Variants in SRRM4 observed in about 807,000 individuals in gnomAD.
SRRM4 encodes serine/arginine repetitive matrix 4.
SRRM4 carries 33 observed loss-of-function variants against 68.9 expected under a neutral mutation model. That is an observed-to-expected ratio of 0.48 (90% CI 0.36 to 0.64). The LOEUF is 0.64. SRRM4 is among the 30% of genes least tolerant of loss of function. The pLI is 0.00. For missense variants in SRRM4, 817 were observed against 827.1 expected, an observed-to-expected ratio of 0.99 and a Z score of 0.15; for synonymous variants, 318 against 318.8, an observed-to-expected ratio of 1.00 and a Z score of 0.03.
intron 1 of SRRM4, among the ~76,000 whole-genome samples, chr12:119,004,756 G>T (rs754868815): frequency 1.3e-5 from 2 of 151,986 alleles, no homozygotes; most frequent in Admixed American, 1.3e-4. Context: ...CAAGCACTGA[G>T]AAGGCACTTT....
At chr12:119,046,919 C>T (rs902993259) in intron 1 of SRRM4, among the ~76,000 whole-genome samples, 1 of 151,690 alleles carries the variant, frequency 6.6e-6, no homozygotes, top group African/African-American at 2.4e-5. Flanking sequence ...GTAGTCCCAG[C>T]TACTCCAGAG....
At chr12:119,081,404 A>G (rs1340154893) in intron 1 of SRRM4, among the ~76,000 whole-genome samples, 4 of 152,162 alleles carry the variant, frequency 2.6e-5, no homozygotes, top group Non-Finnish European at 5.9e-5. Flanking sequence ...TGTTCTAGGC[A>G]GTGGGAACAG....
intron 1 of SRRM4, among the ~76,000 whole-genome samples, chr12:119,077,068 A>C (rs1220066090): frequency 7.4e-6 from 1 of 134,478 alleles, no homozygotes; most frequent in Non-Finnish European, 1.7e-5. Flanking sequence ...CCTGAGACCG[A>C]GGGAGAGTTT....
chr12:119,087,536 G>C (rs537157514), intron 1 of SRRM4, among the ~76,000 whole-genome samples: 1 of 152,138 alleles, frequency 6.6e-6, no homozygotes, highest in Admixed American at 6.5e-5. Flanking sequence ...AATTAGTGAG[G>C]TTTCATGGTC....
At chr12:119,094,650 TC>T (rs1216737946) in intron 1 of SRRM4, among the ~76,000 whole-genome samples, 1 of 152,200 alleles carries the variant, frequency 6.6e-6, no homozygotes, top group Non-Finnish European at 1.5e-5. Flanking sequence ...CAATTTCTAT[TC>T]ATCTGCTAGA....
chr12:119,151,786 T>G (rs1954441286), intron 10 of SRRM4, among the ~76,000 whole-genome samples: 1 of 152,190 alleles, frequency 6.6e-6, no homozygotes, highest in Admixed American at 6.5e-5. Context: ...CAGGCCTGTC[T>G]TGGTTTGTTC....
chr12:119,098,279 T>A (rs1954057183), intron 1 of SRRM4, among the ~76,000 whole-genome samples: 1 of 152,298 alleles, frequency 6.6e-6, no homozygotes, highest in African/African-American at 2.4e-5. Flanking sequence ...ATCAATAAGC[T>A]CACTGATCTT....
intron 1 of SRRM4, among the ~76,000 whole-genome samples, chr12:119,091,213 T>C (rs1208423421): frequency 6.6e-6 from 1 of 152,176 alleles, no homozygotes; most frequent in Non-Finnish European, 1.5e-5. Flanking sequence ...ATCCTGTGAG[T>C]GACCCTGCAG....
intron 12 of SRRM4, among the ~76,000 whole-genome samples, chr12:119,156,237 T>C (rs967343878): frequency 1.3e-5 from 2 of 152,204 alleles, no homozygotes; most frequent in African/African-American, 4.8e-5. Flanking sequence ...TGTTGCAAGC[T>C]GAAGGCTCTG....
In SRRM4 at chr12:119,130,748, C is replaced by T. The variant is rs1290715031; in HGVS notation, c.685C>T (p.Leu229Phe). ...GCACTCCCGCCGCTGCTCCAAGACC[C>T]TCTGCAAGGACAGCCCTGAGGCCCA... ...RRHSRRCSKTLCKDSPEAQSS... is the reference protein window; with the variant it reads ...RRHSRRCSKTFCKDSPEAQSS... Residue 229 changes from leucine to phenylalanine, a missense_variant, in exon 8 of 13, where the codon CTC becomes TTC. By Grantham distance (22) the Leu-to-Phe change is conservative. Coordinates refer to ENST00000267260, the MANE Select transcript of SRRM4 (RefSeq NM_194286.4). 12 of 1,611,388 alleles carry T rather than the reference C, an allele frequency of 7.4e-6. No individual in the cohort carries two copies. The highest frequency in any genetic ancestry group is 8.5e-6 in the Non-Finnish European group (10 of 1,179,864).
At chr12:119,082,117 T>A (rs1203159682) in intron 1 of SRRM4, among the ~76,000 whole-genome samples, 2 of 152,096 alleles carry the variant, frequency 1.3e-5, no homozygotes, top group African/African-American at 4.8e-5. Context: ...CTTGGACTTG[T>A]GGGTCCCAGG....
At chr12:118,983,468 G>T (rs757620911) in intron 1 of SRRM4, among the ~76,000 whole-genome samples, 2 of 152,226 alleles carry the variant, frequency 1.3e-5, no homozygotes, top group Non-Finnish European at 2.9e-5. Flanking sequence ...TCCGAAGGAG[G>T]TTCTGTGTAT....
At chr12:119,054,172 G>A (rs1018239237) in intron 1 of SRRM4, among the ~76,000 whole-genome samples, 5 of 152,084 alleles carry the variant, frequency 3.3e-5, no homozygotes, top group African/African-American at 7.2e-5. Context: ...TTCACTTAAC[G>A]TAATGATCTC....
intron 1 of SRRM4, among the ~76,000 whole-genome samples, chr12:119,047,039 A>AG (rs1953712199): frequency 6.6e-6 from 1 of 151,426 alleles, no homozygotes; most frequent in East Asian, 1.9e-4. Flanking sequence ...CTAAAAAAAA[A>AG]AAAAAAAAAA....
chr12:119,002,381 G>A (rs1238004329), intron 1 of SRRM4, among the ~76,000 whole-genome samples: 1 of 152,060 alleles, frequency 6.6e-6, no homozygotes, highest in Non-Finnish European at 1.5e-5. Context: ...CATAGTGCTA[G>A]GCACTTGGTA....
intron 1 of SRRM4, among the ~76,000 whole-genome samples, chr12:119,019,947 GC>G: frequency 2.6e-5 from 1 of 37,876 alleles, no homozygotes; most frequent in Non-Finnish European, 5.9e-5. Context: ...AGTTCCCCCC[GC>G]TCCCCCCCCC....
intron 2 of SRRM4, 44 bp from the exon 3 acceptor site, chr12:119,114,234 G>A: frequency 6.4e-7 from 1 of 1,561,292 alleles, no homozygotes; most frequent in African/African-American, 1.4e-5. Context: ...TGGGGAGTTG[G>A]GGAACCATGA....
At chr12:119,047,496 T>C (rs922746196) in intron 1 of SRRM4, among the ~76,000 whole-genome samples, 6 of 152,168 alleles carry the variant, frequency 3.9e-5, no homozygotes, top group African/African-American at 1.4e-4. Context: ...CCCACCCTTT[T>C]TCCCCAAGTC....
At chr12:119,024,407 C>T (rs1179938639) in intron 1 of SRRM4, among the ~76,000 whole-genome samples, 4 of 152,224 alleles carry the variant, frequency 2.6e-5, no homozygotes, top group Non-Finnish European at 2.9e-5. Context: ...AGTCTCACTG[C>T]CACTGCACGC....
Sources: allele counts gnomAD v4.1 joint callset (sites outside exome capture counted in the v4.1 genomes callset), GRCh38; gene constraint gnomAD v4.1.1; transcripts MANE v1.5; gene names NCBI Gene and HGNC (gene_info 2026-07-23, HGNC 2026-07-21).